The following GEM variants were observed in gnomAD, a reference collection of about 807,000 sequenced individuals.
The protein encoded by GEM is GTP binding protein overexpressed in skeletal muscle.
In GEM, 31 loss-of-function variants were observed where a neutral mutation model predicts 33.0. That is an observed-to-expected ratio of 0.94 (90% confidence interval 0.71 to 1.27). GEM has a LOEUF of 1.27. Ranked by LOEUF, GEM falls within the 50% of genes most tolerant of loss-of-function variation. GEM has a pLI of 0.00. For synonymous variants in GEM, 141 were observed against 143.7 expected, an observed-to-expected ratio of 0.98 and a Z score of 0.13; for missense variants, 354 against 390.5, an observed-to-expected ratio of 0.91 and a Z score of 0.79.
In GEM at chr8:94,256,360, C is replaced by T. The variant is rs141728552; in HGVS notation, c.332-3248G>A. ...ACTTGGAATTGAGCCCCATCTCTCCCCACTATTGGGATGCCTACTGCAATG... is the reference window on the plus strand; with the variant it reads ...ACTTGGAATTGAGCCCCATCTCTCCTCACTATTGGGATGCCTACTGCAATG... On this transcript the variant is annotated intron_variant, in intron 2 of 4. Coordinates refer to ENST00000297596, the MANE Select transcript of GEM (RefSeq NM_005261.4). Among the ~76,000 whole-genome samples, 40 of 152,306 alleles carry T rather than the reference C, an allele frequency of 2.6e-4. 1 individual carries two copies. In the East Asian group the frequency reaches 7.3e-3, roughly 28 times the overall value.
At chr8:94,256,800 A>G (rs900001712) in intron 2 of GEM, among the ~76,000 whole-genome samples, 1 of 152,266 alleles carries the variant, frequency 6.6e-6, no homozygotes, top group African/African-American at 2.4e-5. Flanking sequence ...TGGTAGATTC[A>G]GAATCAGCTC....
chr8:94,253,811 A>T (rs2129758305), intron 2 of GEM, among the ~76,000 whole-genome samples: 1 of 152,276 alleles, frequency 6.6e-6, no homozygotes, highest in Admixed American at 6.5e-5. Flanking sequence ...AACACAGTAC[A>T]GTACAATGGG....
chr8:94,250,716 G>A (rs1275712373), intron 4 of GEM, 129 bp from the exon 5 acceptor site: 30 of 652,624 alleles, frequency 4.6e-5, no homozygotes, highest in East Asian at 4.5e-4. Context: ...ATGCTGCTGC[G>A]GCATGGGCCC....
At chr8:94,250,619 G>A in intron 4 of GEM, 32 bp from the exon 5 acceptor site, 1 of 1,578,522 alleles carries the variant, frequency 6.3e-7, no homozygotes, top group Non-Finnish European at 8.7e-7. Context: ...CAGAGGGACT[G>A]CAGAGCACAG....
rs1447787022 is a variant in GEM, at chr8:94,250,228, A to G, written c.*82T>C. The G allele has an allele frequency of 8.8e-7, 1 of 1,136,342 alleles. No homozygotes were observed. The highest frequency in any genetic ancestry group is 1.5e-5 in the African/African-American group (1 of 64,572). 70.4% of individuals were successfully genotyped at this position (1,136,342 alleles called of 1,614,324 possible). A position where few individuals can be genotyped will look rare whatever the true frequency, so the allele number is the denominator to read the frequency against. ...AATGGGGGAAACCACATCTAACTTA[A>G]GTATTCAATCTAATATAGATTATTG... On this transcript the variant is annotated 3_prime_UTR_variant, in exon 5 of 5. Transcript: ENST00000297596.
In GEM at chr8:94,250,198, G is replaced by T; in HGVS notation, c.*112C>A. ...CACAAGGCTAATACGCTAGCTCCCT[G>T]CTACAATGGGGGAAACCACATCTAA... On this transcript the variant is annotated 3_prime_UTR_variant, in exon 5 of 5. Transcript: ENST00000297596. 1 of 865,814 alleles carries T rather than the reference G, an allele frequency of 1.2e-6. No individual in the cohort carries two copies. Among genetic ancestry groups the T allele is most frequent in the Non-Finnish European group, 1.8e-6 (1 of 554,856 alleles). The allele number at this position is 865,814 out of a possible 1,614,324, so 53.6% of individuals were successfully genotyped here. A position where few individuals can be genotyped will look rare whatever the true frequency, so the allele number is the denominator to read the frequency against.
rs138147292 is a variant in GEM, at chr8:94,250,492, G to A, written c.709C>T (p.Arg237Ter). Residue 237 changes from arginine (R) to a stop codon, truncating the protein, a stop_gained, in exon 5 of 5, where the codon CGA (arginine) becomes TGA (stop). Transcript: ENST00000297596. LOFTEE classifies it high-confidence loss of function. ...CTGTCCCGCCGAAGGCGCACCTGTC[G>A]CACAATGCCCTCAAACAGCTCCTTC... is the stretch of plus-strand genomic sequence containing the variant. Reference protein sequence around the residue: ...NVKELFEGIVRQVRLRRDSKE... With the variant: ...NVKELFEGIV 16 of 1,614,046 alleles carry A rather than the reference G, an allele frequency of 9.9e-6. No individual in the cohort carries two copies. The highest frequency in any genetic ancestry group is 8.9e-5 in the East Asian group (4 of 44,898).
At chr8:94,255,953 C>T (rs187470169) in intron 2 of GEM, among the ~76,000 whole-genome samples, 245 of 152,270 alleles carry the variant, frequency 1.6e-3, no homozygotes, top group African/African-American at 5.2e-3. Context: ...GACTCTCTCC[C>T]TGACCAAACT....
Position 94,250,564 on chromosome 8 carries a change from A to G in GEM, c.637T>C (p.Phe213Leu). 1 of 1,613,664 alleles carries G rather than the reference A, an allele frequency of 6.2e-7. No individual in the cohort carries two copies. The highest frequency in any genetic ancestry group is 8.5e-7 in the Non-Finnish European group (1 of 1,179,598). The change falls in exon 5 of 5, where the codon TTT becomes CTT. Residue 213 changes from phenylalanine (F) to leucine (L), a missense_variant. Phe to Leu is a conservative substitution (Grantham distance 22, BLOSUM62 0). Coordinates refer to ENST00000297596, the MANE Select transcript of GEM (RefSeq NM_005261.4). ...VSEGRACAVV[F>L]DCKFIETSAA... ...GAGGTCTCGATGAACTTGCAGTCAAACACCACTGCACAGGCTCTCCCTTCT... is the reference window on the plus strand; with the variant it reads ...GAGGTCTCGATGAACTTGCAGTCAAGCACCACTGCACAGGCTCTCCCTTCT...
Position 94,250,050 on chromosome 8 carries a change from C to G in GEM, c.*260G>C. 1 of 453,558 alleles carries G rather than the reference C, an allele frequency of 2.2e-6. No homozygotes were observed. The allele number at this position is 453,558 out of a possible 1,614,324, so 28.1% of individuals were successfully genotyped here. On this transcript the variant is annotated 3_prime_UTR_variant, in exon 5 of 5. Transcript: ENST00000297596. Reference sequence around the variant, plus strand: ...TCTACTATCCAAAATAGAAGAAACACATGTGAACACCAAACACATCCTCTA... The same window carrying G: ...TCTACTATCCAAAATAGAAGAAACAGATGTGAACACCAAACACATCCTCTA...
intron 2 of GEM, among the ~76,000 whole-genome samples, chr8:94,259,660 T>C (rs1297487523): frequency 6.6e-6 from 1 of 152,244 alleles, no homozygotes; most frequent in Non-Finnish European, 1.5e-5. Flanking sequence ...ATTGTTATAC[T>C]TCACATTTTA....
intron 3 of GEM, among the ~76,000 whole-genome samples, chr8:94,252,666 T>G (rs1808804553): frequency 6.6e-6 from 1 of 152,198 alleles, no homozygotes; most frequent in East Asian, 1.9e-4. Flanking sequence ...TTCTGAAGCT[T>G]TTTAAAATCT....
At chr8:94,257,151 A>ATTTAT (rs1238696908) in intron 2 of GEM, among the ~76,000 whole-genome samples, 1 of 151,370 alleles carries the variant, frequency 6.6e-6, no homozygotes, top group Non-Finnish European at 1.5e-5. Flanking sequence ...TATTTATTTT[A>ATTTAT]TTTATTTTAT....
intron 2 of GEM, among the ~76,000 whole-genome samples, chr8:94,254,988 T>C (rs182400227): frequency 1.6e-3 from 244 of 152,288 alleles, no homozygotes; most frequent in African/African-American, 5.2e-3. Flanking sequence ...CCTCAACCTG[T>C]AAATTAGACA....
chr8:94,260,342 G>A lies in GEM; in HGVS notation c.162C>T (p.Cys54=), dbSNP rs776897188. 1.2e-6 allele frequency: 2 copies of A among 1,614,226 alleles called. No homozygotes were observed. The highest frequency in any genetic ancestry group is 1.7e-6 in the Non-Finnish European group (2 of 1,180,022). ...TGGAGTCAGAGGACCAGCTTCGGCG[G>A]CAGTGGTCCTCAGGGGTAGCAGAAT... is the stretch of plus-strand genomic sequence containing the variant. ...NRHSATPEDH[C]RRSWSSDSTD... Residue 54 remains cysteine, a synonymous_variant, in exon 2 of 5, where the codon TGC becomes TGT. Coordinates refer to ENST00000297596, the MANE Select transcript of GEM (RefSeq NM_005261.4).
At chr8:94,258,650 A>G (rs1368616838) in intron 2 of GEM, among the ~76,000 whole-genome samples, 1 of 152,180 alleles carries the variant, frequency 6.6e-6, no homozygotes, top group African/African-American at 2.4e-5. Context: ...GTAAGCCTCC[A>G]TTTCTTCACC....
intron 2 of GEM, among the ~76,000 whole-genome samples, chr8:94,259,329 C>T (rs1453243186): frequency 6.6e-6 from 1 of 152,180 alleles, no homozygotes; most frequent in African/African-American, 2.4e-5. Context: ...AGAACACAGA[C>T]CATGTGACTT....
intron 2 of GEM, among the ~76,000 whole-genome samples, chr8:94,254,760 A>G (rs1808851303): frequency 6.6e-6 from 1 of 152,216 alleles, no homozygotes; most frequent in South Asian, 2.1e-4. Flanking sequence ...CCTTCCTTAG[A>G]GAAGGAAAAC....
rs1808985409 is a variant in GEM, at chr8:94,260,266, G to A, written c.238C>T (p.Leu80Phe). Reference sequence around the variant, plus strand: ...TTGCCCACCCCCTGCTCCCCTATGAGCACCACTCGGTAGTAGGTGTTCCCT... The same window carrying A: ...TTGCCCACCCCCTGCTCCCCTATGAACACCACTCGGTAGTAGGTGTTCCCT... ...ESGNTYYRVVLIGEQGVGKST... is the reference protein window; with the variant it reads ...ESGNTYYRVVFIGEQGVGKST... The change falls in exon 2 of 5, where the codon CTC becomes TTC. Residue 80 changes from leucine to phenylalanine, a missense_variant. Leu to Phe is a conservative substitution (Grantham distance 22). Coordinates refer to ENST00000297596, the MANE Select transcript of GEM (RefSeq NM_005261.4). 1 of 1,613,818 alleles carries A rather than the reference G, an allele frequency of 6.2e-7. No homozygotes were observed. The highest frequency in any genetic ancestry group is 1.1e-5 in the South Asian group (1 of 91,076).
Sources: gnomAD v4.1 joint callset for allele counts (sites outside exome capture counted in the v4.1 genomes callset) on GRCh38, gnomAD v4.1.1 for gene constraint, MANE v1.5 for transcripts, NCBI Gene and HGNC (gene_info 2026-07-23, HGNC 2026-07-21) for gene names.